KHDRBS2: variants seen among roughly 807,000 people sequenced by gnomAD.
The protein encoded by KHDRBS2 is KH RNA binding domain containing, signal transduction associated 2.
Under a neutral mutation model 44.3 loss-of-function variants are expected in KHDRBS2, and 26 were observed. That is an observed-to-expected ratio of 0.59 (90% CI 0.43 to 0.81). The LOEUF (loss-of-function observed/expected upper bound fraction) is 0.81. Ranked by LOEUF, KHDRBS2 falls within the 40% of genes least tolerant of loss-of-function variation. KHDRBS2 has a pLI of 0.00. For missense variants in KHDRBS2, 476 were observed against 433.1 expected (o/e 1.10, Z -0.88); for synonymous variants, 194 against 151.1 (o/e 1.28, Z -2.08).
the KHDRBS2 span, among the ~76,000 whole-genome samples, chr6:61,641,700 G>A: frequency 6.6e-6 from 1 of 152,028 alleles, no homozygotes; most frequent in Non-Finnish European, 1.5e-5. Flanking sequence ...CAACTGATCT[G>A]TTTCATCTTT....
At position 62,135,423 on chromosome 6, in the gene KHDRBS2, A is replaced by C. The variant is rs543517261; in HGVS notation, c.219+41762T>G. Among the ~76,000 whole-genome samples the C allele has an allele frequency of 5.3e-5, 8 of 152,280 alleles. No individual in the cohort carries two copies. In the East Asian group the frequency reaches 1.5e-3, roughly 29 times the overall value. On this transcript the variant is annotated intron_variant, in intron 2 of 8. Transcript: ENST00000281156. Reference sequence around the variant, plus strand: ...AGGTATGTCTTTATCAGCAGCGTGAAAATAGACTAATGCAGCTGGTACAGC... The same window carrying C: ...AGGTATGTCTTTATCAGCAGCGTGACAATAGACTAATGCAGCTGGTACAGC...
At chr6:61,590,795 T>A in the KHDRBS2 span, among the ~76,000 whole-genome samples, 3 of 152,298 alleles carry the variant, frequency 2.0e-5, no homozygotes, top group Non-Finnish European at 2.9e-5. Context: ...ACTCTGGATA[T>A]TTGGTGCCAA....
At chr6:61,687,352 T>A (rs918007830) in intron 8 of KHDRBS2, among the ~76,000 whole-genome samples, 2 of 151,962 alleles carry the variant, frequency 1.3e-5, no homozygotes, top group Middle Eastern at 3.4e-3. Context: ...GGATAATCCA[T>A]TCAGAGAGTA....
chr6:61,927,343 T>G (rs1809171342), intron 4 of KHDRBS2, among the ~76,000 whole-genome samples: 1 of 152,106 alleles, frequency 6.6e-6, no homozygotes, highest in African/African-American at 2.4e-5. Context: ...GTAACTATTT[T>G]TACTCTCAAG....
rs867192692 is a variant in KHDRBS2, at chr6:61,705,033, G to A, written c.894-7780C>T. Reference sequence around the variant, plus strand: ...AATGTAGTTTTTATACAACTTTGCAGGATAATTCTGGGCTAACTTCACTCA... The same window carrying A: ...AATGTAGTTTTTATACAACTTTGCAAGATAATTCTGGGCTAACTTCACTCA... On this transcript the variant is annotated intron_variant, in intron 7 of 8. Coordinates refer to ENST00000281156, the MANE Select transcript of KHDRBS2 (RefSeq NM_152688.4). Among the ~76,000 whole-genome samples, 3 of 151,734 alleles carry A rather than the reference G, an allele frequency of 2.0e-5. No individual in the cohort carries two copies. The South Asian group carries it at 6.2e-4, about 31-fold the overall frequency.
At chr6:61,673,534 C>T in the KHDRBS2 span, among the ~76,000 whole-genome samples, 1 of 145,988 alleles carries the variant, frequency 6.8e-6, no homozygotes, top group South Asian at 2.2e-4. Context: ...CCCATCGTCT[C>T]AGCCCAAAAT....
At chr6:61,984,165 C>T (rs1280567761) in intron 3 of KHDRBS2, among the ~76,000 whole-genome samples, 4 of 152,158 alleles carry the variant, frequency 2.6e-5, no homozygotes, top group African/African-American at 9.7e-5. Context: ...AGCCATACCA[C>T]TTCTGTTCTC....
chr6:61,837,255 G>T (rs911116699), intron 6 of KHDRBS2, among the ~76,000 whole-genome samples: 1 of 151,978 alleles, frequency 6.6e-6, no homozygotes, highest in African/African-American at 2.4e-5. Flanking sequence ...AGTATTCAAA[G>T]TGTTCATTAT....
At chr6:62,272,813 T>C (rs528963525) in intron 1 of KHDRBS2, among the ~76,000 whole-genome samples, 54 of 152,266 alleles carry the variant, frequency 3.5e-4, no homozygotes, top group African/African-American at 1.2e-3. Flanking sequence ...TCGTATGTAG[T>C]TTTGTAAAAG....
At chr6:62,085,013 C>A (rs1798135476) in intron 2 of KHDRBS2, among the ~76,000 whole-genome samples, 3 of 152,014 alleles carry the variant, frequency 2.0e-5, no homozygotes, top group Non-Finnish European at 2.9e-5. Flanking sequence ...AAACATCTAA[C>A]AATAAAATGG....
chr6:61,668,563 A>G, the KHDRBS2 span, among the ~76,000 whole-genome samples: 1 of 151,064 alleles, frequency 6.6e-6, no homozygotes, highest in African/African-American at 2.4e-5. Flanking sequence ...TTAAGTATCT[A>G]ACGTTATTGT....
At chr6:61,607,520 C>CAAAAAAA in the KHDRBS2 span, among the ~76,000 whole-genome samples, 3,412 of 40,798 alleles carry the variant, frequency 0.084, 1,047 homozygotes, top group Middle Eastern at 0.23. Flanking sequence ...GAGTTCCAAG[C>CAAAAAAA]AAAAAAAAAA....
chr6:62,246,329 T>C (rs562295952), intron 1 of KHDRBS2, among the ~76,000 whole-genome samples: 4 of 152,010 alleles, frequency 2.6e-5, no homozygotes, highest in African/African-American at 9.6e-5. Context: ...CATAATTTTG[T>C]ATGTCACAAA....
intron 3 of KHDRBS2, among the ~76,000 whole-genome samples, chr6:62,003,470 T>A (rs1778643287): frequency 6.6e-6 from 1 of 152,058 alleles, no homozygotes; most frequent in South Asian, 2.1e-4. Flanking sequence ...GAGTTAACTA[T>A]CCTAAATATG....
intron 1 of KHDRBS2, among the ~76,000 whole-genome samples, chr6:62,189,541 A>G (rs1338690234): frequency 1.3e-5 from 2 of 152,048 alleles, no homozygotes; most frequent in African/African-American, 4.8e-5. Context: ...ATTTTCTTCT[A>G]AGTGCAATGC....
chr6:61,882,744 T>G lies in KHDRBS2; in HGVS notation c.810+11891A>C, dbSNP rs540815555. On this transcript the variant is annotated intron_variant, in intron 6 of 8. Coordinates refer to ENST00000281156, the MANE Select transcript of KHDRBS2 (RefSeq NM_152688.4). ...GATAGAAGGATTTAGCAGCCTCTAT[T>G]TTCCACTAAATAGGGAATCCATAAC... Among the ~76,000 whole-genome samples the G allele has an allele frequency of 2.0e-5, 3 of 152,122 alleles. No homozygotes were observed. In the East Asian group the frequency reaches 5.8e-4, roughly 29 times the overall value.
chr6:62,032,707 C>A (rs1215501895), intron 3 of KHDRBS2, among the ~76,000 whole-genome samples: 1 of 151,860 alleles, frequency 6.6e-6, no homozygotes, highest in African/African-American at 2.4e-5. Flanking sequence ...AAATCCAAGT[C>A]TTTTCAAATA....
chr6:61,732,091 A>ACC (rs1774547940), intron 7 of KHDRBS2, among the ~76,000 whole-genome samples: 1 of 152,126 alleles, frequency 6.6e-6, no homozygotes, highest in Non-Finnish European at 1.5e-5. Flanking sequence ...CCAAACGTAT[A>ACC]CAGCTGTATT....
chr6:61,901,838 G>C lies in KHDRBS2; in HGVS notation c.484-467C>G, dbSNP rs185821898. ...ATCCCAAGGGCTCAGAGTAGATACT[G>C]AGCATGTATTACAACCATAAAGAAG... is the stretch of plus-strand genomic sequence containing the variant. On this transcript the variant is annotated intron_variant, in intron 4 of 8. Coordinates refer to ENST00000281156, the MANE Select transcript of KHDRBS2 (RefSeq NM_152688.4). 4.5e-3 allele frequency among the ~76,000 whole-genome samples: 678 copies of C among 152,312 alleles called. 8 individuals are homozygous for C. Among genetic ancestry groups the C allele is most frequent in the African/African-American group, 0.015 (637 of 41,570 alleles).
Sources: allele counts gnomAD v4.1 joint callset (sites outside exome capture counted in the v4.1 genomes callset), GRCh38; gene constraint gnomAD v4.1.1; transcripts MANE v1.5; gene names NCBI Gene and HGNC (gene_info 2026-07-23, HGNC 2026-07-21).